FAM200B: variants seen among roughly 807,000 people sequenced by gnomAD.
FAM200B encodes protein FAM200B.
FAM200B carries 32 observed loss-of-function variants against 33.1 expected under a neutral mutation model. That is an observed-to-expected ratio of 0.97 (90% confidence interval 0.73 to 1.30). The LOEUF (loss-of-function observed/expected upper bound fraction) is 1.30, where lower values mean the gene tolerates loss of function less well. FAM200B is among the 50% of genes most tolerant of loss of function. The probability of loss-of-function intolerance (pLI) is 0.00; values close to 1 mark genes in which losing one functional copy is unlikely to be tolerated. For synonymous variants in FAM200B, 240 were observed against 264.8 expected (o/e 0.91, Z 0.91); for missense variants, 741 against 754.0 (o/e 0.98, Z 0.20).
chr4:15,676,056 T>C, the FAM200B span, among the ~76,000 whole-genome samples: 3 of 152,204 alleles, frequency 2.0e-5, no homozygotes, highest in Non-Finnish European at 4.4e-5. Flanking sequence ...GGCAAATACT[T>C]AACTTTCTGG....
the FAM200B span, among the ~76,000 whole-genome samples, chr4:15,651,664 T>C: frequency 1.3e-5 from 2 of 152,238 alleles, no homozygotes; most frequent in Admixed American, 1.3e-4. Context: ...ACTCTAAGCT[T>C]CTTCCCACTT....
At chr4:15,682,377 A>G (rs1718386313) in intron 1 of FAM200B, among the ~76,000 whole-genome samples, 1 of 152,210 alleles carries the variant, frequency 6.6e-6, no homozygotes, top group Admixed American at 6.5e-5. Flanking sequence ...TAGACAGAAA[A>G]AAGGTAGAAA....
chr4:15,653,009 ATACT>A, the FAM200B span, among the ~76,000 whole-genome samples: 1 of 152,206 alleles, frequency 6.6e-6, no homozygotes, highest in Non-Finnish European at 1.5e-5. Flanking sequence ...CCATTACAAA[ATACT>A]TATTTTCCAC....
At chr4:15,638,645 T>C in the FAM200B span, 1 of 1,612,308 alleles carries the variant, frequency 6.2e-7, no homozygotes, top group Admixed American at 1.7e-5. Flanking sequence ...CTTTTTAATA[T>C]CCTTAAGCTC....
At chr4:15,661,902 G>A in the FAM200B span, among the ~76,000 whole-genome samples, 1 of 152,166 alleles carries the variant, frequency 6.6e-6, no homozygotes, top group South Asian at 2.1e-4. Context: ...GCTGTTGAGA[G>A]GCCTCACATC....
At chr4:15,637,563 AT>A in the FAM200B span, among the ~76,000 whole-genome samples, 11 of 152,162 alleles carry the variant, frequency 7.2e-5, no homozygotes, top group Admixed American at 5.2e-4. Context: ...TACAGCTACA[AT>A]TTGCTTTGAA....
At chr4:15,661,259 G>C in the FAM200B span, among the ~76,000 whole-genome samples, 1 of 152,128 alleles carries the variant, frequency 6.6e-6, no homozygotes, top group South Asian at 2.1e-4. Flanking sequence ...GCTTGTAATT[G>C]CACTGTTTTA....
At chr4:15,648,130 T>C in the FAM200B span, among the ~76,000 whole-genome samples, 3 of 152,334 alleles carry the variant, frequency 2.0e-5, no homozygotes, top group Admixed American at 6.5e-5. Flanking sequence ...TTGCTGAGAT[T>C]ATAGGCACAA....
Position 15,686,807 on chromosome 4 carries a change from TTA to T in FAM200B, c.-167_-166del. On this transcript the variant is annotated 5_prime_UTR_variant, in exon 2 of 2. The change creates a premature stop within an existing upstream ORF in the 5' untranslated region. Transcript: ENST00000422728. ...ACGGTTAATGTTCTATAGTCAAGTT[TTA>T]TATTACAATTACTTGCAACTAGTTG... 1 of 423,674 alleles carries T rather than the reference TTA, an allele frequency of 2.4e-6. No homozygotes were observed. Among genetic ancestry groups the T allele is most frequent in the Non-Finnish European group, 4.2e-6 (1 of 235,694 alleles). The allele number at this position is 423,674 out of a possible 1,614,324, so 26.2% of individuals were successfully genotyped here. A position where few individuals can be genotyped will look rare whatever the true frequency, so the allele number is the denominator to read the frequency against.
the FAM200B span, among the ~76,000 whole-genome samples, chr4:15,665,505 G>A: frequency 3.3e-5 from 5 of 152,058 alleles, no homozygotes; most frequent in African/African-American, 4.8e-5. Context: ...ACAAATTTGC[G>A]AGATGTATCT....
the FAM200B span, among the ~76,000 whole-genome samples, chr4:15,675,857 A>G: frequency 6.6e-6 from 1 of 152,170 alleles, no homozygotes; most frequent in Non-Finnish European, 1.5e-5. Context: ...TGCTGGGATT[A>G]CAGGCATGAG....
chr4:15,687,732 A>AT lies in FAM200B; in HGVS notation c.761dup (p.Leu254PhefsTer32), dbSNP rs908571836. 1.5e-5 allele frequency: 23 copies of AT among 1,550,320 alleles called. No individual in the cohort carries two copies. Among genetic ancestry groups the AT allele is most frequent in the African/African-American group, 1.4e-5 (1 of 72,942 alleles). ...TATGTCAGATATGCGTGGCAAGATG[A>AT]TTTTTTGGAGGATTTTTTGTGTTTT... On this transcript the variant is annotated frameshift_variant, in exon 2 of 2. Transcript: ENST00000422728. LOFTEE classifies it high-confidence loss of function.
Position 15,686,781 on chromosome 4 carries a change from C to T in FAM200B, c.-197C>T, listed in dbSNP as rs1718886540. On this transcript the variant is annotated 5_prime_UTR_variant, in exon 2 of 2. Coordinates refer to ENST00000422728, the MANE Select transcript of FAM200B (RefSeq NM_001145191.2). ...GTGTCTTGCTTGATTTTCATAATAG[C>T]ACGGTTAATGTTCTATAGTCAAGTT... is the stretch of plus-strand genomic sequence containing the variant. 2.9e-6 allele frequency: 1 copy of T among 350,730 alleles called. No individual in the cohort carries two copies. The highest frequency in any genetic ancestry group is 4.5e-5 in the East Asian group (1 of 22,310). 21.7% of individuals were successfully genotyped at this position (350,730 alleles called of 1,614,324 possible). A position where few individuals can be genotyped will look rare whatever the true frequency, so the allele number is the denominator to read the frequency against.
the FAM200B span, among the ~76,000 whole-genome samples, chr4:15,649,576 C>T: frequency 6.7e-5 from 6 of 89,516 alleles, no homozygotes; most frequent in African/African-American, 2.5e-4. Context: ...AAGACTACGT[C>T]TCAAAAAAAA....
upstream of FAM200B, among the ~76,000 whole-genome samples, chr4:15,679,016 C>A (rs1203440732): frequency 6.6e-6 from 1 of 151,424 alleles, no homozygotes; most frequent in Non-Finnish European, 1.5e-5. Context: ...CTAGCACTAT[C>A]ATAATTCTCA....
rs2148866228 is a variant in FAM200B at position 15,688,426 on chromosome 4, G to A, written c.1449G>A (p.Met483Ile). Residue 483 changes from methionine to isoleucine, a missense_variant, in exon 2 of 2, where the codon ATG becomes ATA. Transcript: ENST00000422728. ...AAAGTAATCGTCCTAGCTATTACAT[G>A]TTTCCAAGATTTTTGCAGCATATTG... Reference protein sequence around the residue: ...RLKSNRPSYYMFPRFLQHIEE... With the variant: ...RLKSNRPSYYIFPRFLQHIEE... 1 of 1,545,830 alleles carries A rather than the reference G, an allele frequency of 6.5e-7. No homozygotes were observed. Among genetic ancestry groups the A allele is most frequent in the Non-Finnish European group, 8.7e-7 (1 of 1,143,128 alleles).
At chr4:15,664,596 C>T in the FAM200B span, among the ~76,000 whole-genome samples, 5 of 113,000 alleles carry the variant, frequency 4.4e-5, no homozygotes, top group Admixed American at 5.1e-4. Flanking sequence ...TCACTCTTGT[C>T]ACCCAGGCTG....
At position 15,689,463 on chromosome 4, in the gene FAM200B, T is replaced by C. The variant is rs1010162101; in HGVS notation, c.*512T>C. On this transcript the variant is annotated 3_prime_UTR_variant, in exon 2 of 2. Transcript: ENST00000422728. The stretch of plus-strand genomic sequence containing the variant: ...TGGTCACTATTTTAAATTCTTAGGG[T>C]AAGTCTGAATTAAATGTTACTTTCC... 1 of 167,024 alleles carries C rather than the reference T, an allele frequency of 6.0e-6. No individual in the cohort carries two copies. The highest frequency in any genetic ancestry group is 2.4e-5 in the African/African-American group (1 of 41,422). 10.3% of individuals were successfully genotyped at this position (167,024 alleles called of 1,614,324 possible).
the FAM200B span, among the ~76,000 whole-genome samples, chr4:15,648,094 C>T: frequency 1.3e-5 from 2 of 152,078 alleles, no homozygotes; most frequent in African/African-American, 2.4e-5. Flanking sequence ...TGGCTTCAAG[C>T]GATCCTCCTG....
Sources: gnomAD v4.1 joint callset for allele counts (sites outside exome capture counted in the v4.1 genomes callset) on GRCh38, gnomAD v4.1.1 for gene constraint, MANE v1.5 for transcripts, NCBI Gene and HGNC (gene_info 2026-07-23, HGNC 2026-07-21) for gene names.